Variants in RAD54B observed in about 807,000 individuals in gnomAD.
The protein encoded by RAD54B is DNA repair and recombination protein RAD54B.
RAD54B carries 78 observed loss-of-function variants against 95.8 expected under a neutral mutation model. The observed-to-expected ratio is 0.81, with a 90% CI of 0.68 to 0.98. RAD54B has a LOEUF of 0.98. RAD54B is among the 50% of genes least tolerant of loss of function. The pLI is 0.00. For missense variants in RAD54B, 957 were observed against 1,056.6 expected (o/e 0.91, Z 1.31); for synonymous variants, 328 against 354.9 (o/e 0.92, Z 0.85).
chr8:94,474,835 T>C (rs993980115), intron 1 of RAD54B, among the ~76,000 whole-genome samples, 166 bp downstream of exon 1: 2 of 152,200 alleles, frequency 1.3e-5, no homozygotes, highest in African/African-American at 4.8e-5. Context: ...AGGGCGTCCC[T>C]GGCACTTCAG....
intron 3 of RAD54B, among the ~76,000 whole-genome samples, chr8:94,441,016 T>C (rs1276855554): frequency 6.6e-5 from 10 of 152,196 alleles, no homozygotes; most frequent in Non-Finnish European, 1.2e-4. Context: ...TAGAACCCGA[T>C]GTTACCCATA....
intron 3 of RAD54B, among the ~76,000 whole-genome samples, chr8:94,452,535 C>CTG (rs59062967): frequency 0.31 from 47,324 of 151,676 alleles, 7,800 homozygotes; most frequent in East Asian, 0.43. Flanking sequence ...AGAGTCTGCA[C>CTG]TCACCCAGGC....
At chr8:94,436,417 A>G (rs1315958154) in intron 3 of RAD54B, 4 of 1,434,996 alleles carry the variant, frequency 2.8e-6, no homozygotes, top group East Asian at 5.0e-5. Flanking sequence ...TACTATGCAT[A>G]TCTCTATCAC....
rs1399816378 is a variant in RAD54B, at chr8:94,387,076, G to C, written c.1893C>G (p.Tyr631Ter). 2 of 1,613,458 alleles carry C rather than the reference G, an allele frequency of 1.2e-6. No homozygotes were observed. The highest frequency in any genetic ancestry group is 1.7e-6 in the Non-Finnish European group (2 of 1,179,512). The change falls in exon 11 of 15, where the codon TAC becomes TAG. Residue 631 changes from tyrosine to a stop codon, truncating the protein, a stop_gained. Coordinates refer to ENST00000336148, the MANE Select transcript of RAD54B (RefSeq NM_012415.3). LOFTEE classifies it high-confidence loss of function. ...KGLLSVFPAD[Y>*]NPLLFTEKES... is the part of the protein sequence containing the mutation. ...CCTTTTCAGTAAACAGGAGAGGGTT[G>C]TAGTCAGCAGGAAACACACTTAGCA...
chr8:94,441,668 TA>T (rs1243779663), intron 3 of RAD54B, among the ~76,000 whole-genome samples: 1 of 152,136 alleles, frequency 6.6e-6, no homozygotes, highest in Non-Finnish European at 1.5e-5. Context: ...TGGCCACTGG[TA>T]ATCAATTTAA....
At chr8:94,394,255 G>A (rs28703913) in intron 8 of RAD54B, among the ~76,000 whole-genome samples, 20,451 of 152,006 alleles carry the variant, frequency 0.13, 1,975 homozygotes, top group African/African-American at 0.26. Flanking sequence ...AATAACAGTC[G>A]TTCCTAGGGT....
intron 3 of RAD54B, among the ~76,000 whole-genome samples, chr8:94,439,450 G>A (rs558757180): frequency 3.9e-5 from 6 of 152,114 alleles, no homozygotes; most frequent in African/African-American, 9.7e-5. Context: ...AATATATCAC[G>A]CTGTTAACGA....
At chr8:94,452,019 T>C (rs1443291602) in intron 3 of RAD54B, among the ~76,000 whole-genome samples, 1 of 152,194 alleles carries the variant, frequency 6.6e-6, no homozygotes, top group South Asian at 2.1e-4. Context: ...AAGTCCAAGA[T>C]TAAGAAACTG....
At chr8:94,440,023 A>G (rs1812363202) in intron 3 of RAD54B, among the ~76,000 whole-genome samples, 1 of 152,238 alleles carries the variant, frequency 6.6e-6, no homozygotes, top group South Asian at 2.1e-4. Context: ...CGACCATTTC[A>G]AGATATGGCA....
At chr8:94,420,521 A>G (rs1417723889) in intron 3 of RAD54B, among the ~76,000 whole-genome samples, 1 of 151,890 alleles carries the variant, frequency 6.6e-6, no homozygotes, top group Non-Finnish European at 1.5e-5. Flanking sequence ...CAGCCTCCCA[A>G]AGAGCTCTTA....
chr8:94,469,971 T>C (rs762794987), intron 1 of RAD54B, among the ~76,000 whole-genome samples: 1 of 152,198 alleles, frequency 6.6e-6, no homozygotes, highest in Middle Eastern at 3.2e-3. Flanking sequence ...GGACATTACA[T>C]ACATACATCA....
At chr8:94,410,372 A>G (rs1811500607) in intron 4 of RAD54B, among the ~76,000 whole-genome samples, 1 of 152,162 alleles carries the variant, frequency 6.6e-6, no homozygotes, top group Non-Finnish European at 1.5e-5. Context: ...CTAATCATCA[A>G]TTACTTTGCT....
At chr8:94,403,633 C>A (rs899949264) in intron 6 of RAD54B, among the ~76,000 whole-genome samples, 1 of 151,544 alleles carries the variant, frequency 6.6e-6, no homozygotes, top group African/African-American at 2.4e-5. Context: ...GCCAAGATAA[C>A]GCCATTGCAC....
intron 3 of RAD54B, chr8:94,428,537 G>T: frequency 4.1e-6 from 1 of 243,116 alleles, no homozygotes; most frequent in Non-Finnish European, 6.6e-6. Flanking sequence ...TAAATACTAT[G>T]TAAATAGTTG....
intron 2 of RAD54B, among the ~76,000 whole-genome samples, chr8:94,464,556 T>G (rs1812980150): frequency 6.6e-6 from 1 of 152,176 alleles, no homozygotes; most frequent in African/African-American, 2.4e-5. Flanking sequence ...ATTTCAGCAA[T>G]AAGAAATAAA....
rs371860600 is a variant in RAD54B at position 94,421,414 on chromosome 8, TTC to T, written c.305-10101_305-10100del. 3.7e-4 allele frequency among the ~76,000 whole-genome samples: 56 copies of T among 152,310 alleles called. 1 individual carries two copies. In the East Asian group the frequency reaches 0.011, roughly 29 times the overall value. Reference sequence around the variant, plus strand: ...CTTCAGAACTGACTTCTAGGCCCTGTTCTCTCACTGTGCACCACTTCTCTTTA... The same window carrying T: ...CTTCAGAACTGACTTCTAGGCCCTGTTCTCACTGTGCACCACTTCTCTTTA... On this transcript the variant is annotated intron_variant, in intron 3 of 14. Coordinates refer to ENST00000336148, the MANE Select transcript of RAD54B (RefSeq NM_012415.3).
chr8:94,389,224 G>A (rs886868408), intron 10 of RAD54B, among the ~76,000 whole-genome samples: 3 of 152,170 alleles, frequency 2.0e-5, no homozygotes, highest in African/African-American at 7.2e-5. Context: ...CAAAGTGCTG[G>A]GATTATAGGC....
At chr8:94,426,050 T>A (rs1159369795) in intron 3 of RAD54B, among the ~76,000 whole-genome samples, 1 of 152,152 alleles carries the variant, frequency 6.6e-6, no homozygotes, top group Non-Finnish European at 1.5e-5. Flanking sequence ...CCTCCCAGAT[T>A]CAAGCAATTT....
intron 3 of RAD54B, among the ~76,000 whole-genome samples, chr8:94,433,690 C>T (rs1812180409): frequency 6.6e-6 from 1 of 151,546 alleles, no homozygotes; most frequent in South Asian, 2.1e-4. Context: ...AGAATATCTG[C>T]TCCTTGAGGT....
Sources: allele counts gnomAD v4.1 joint callset (sites outside exome capture counted in the v4.1 genomes callset), GRCh38; gene constraint gnomAD v4.1.1; transcripts MANE v1.5; gene names NCBI Gene and HGNC (gene_info 2026-07-23, HGNC 2026-07-21).